TBC1D31: variants seen among roughly 807,000 people sequenced by gnomAD.
TBC1D31 encodes TBC1 domain family member 31, also known as WD repeat domain 67.
A neutral mutation model predicts 132.9 loss-of-function variants in TBC1D31; 99 were observed. The observed-to-expected ratio is 0.74, with a 90% confidence interval of 0.63 to 0.88. The LOEUF is 0.88. TBC1D31 is among the 40% of genes least tolerant of loss of function. The pLI, the probability that TBC1D31 is intolerant of heterozygous loss-of-function variation, is 0.00. For missense variants in TBC1D31, 1,134 were observed against 1,256.6 expected (o/e 0.90, Z 1.48); for synonymous variants, 385 against 419.4 (o/e 0.92, Z 1.00).
chr8:123,091,234 A>T (rs2130102282), intron 4 of TBC1D31, among the ~76,000 whole-genome samples: 1 of 152,300 alleles, frequency 6.6e-6, no homozygotes, highest in Admixed American at 6.5e-5. Context: ...TTAAAATCAC[A>T]AATCTAGTAA....
downstream of TBC1D31, among the ~76,000 whole-genome samples, chr8:123,152,596 C>T (rs1201189152): frequency 1.3e-5 from 2 of 152,310 alleles, no homozygotes; most frequent in South Asian, 2.1e-4. Context: ...GCAGGCCAGA[C>T]GTGGTGGCTC....
intron 11 of TBC1D31, among the ~76,000 whole-genome samples, chr8:123,121,739 G>C (rs114301685): frequency 0.014 from 2,106 of 152,132 alleles, 43 homozygotes; most frequent in African/African-American, 0.048. Flanking sequence ...TTATAAATTA[G>C]CCAGTCTCAG....
chr8:123,097,446 G>C lies in TBC1D31; in HGVS notation c.831+5G>C. ...TTTGATGCTGGTTCTAATCAGGTTAGTAACATAAATGTAGGGCACTGTACT... is the reference window on the plus strand; with the variant it reads ...TTTGATGCTGGTTCTAATCAGGTTACTAACATAAATGTAGGGCACTGTACT... On this transcript the variant is annotated splice_donor_5th_base_variant and intron_variant, in intron 6 of 21. Coordinates refer to ENST00000287380, the MANE Select transcript of TBC1D31 (RefSeq NM_145647.4). 6.2e-7 allele frequency: 1 copy of C among 1,613,992 alleles called. No homozygotes were observed. The highest frequency in any genetic ancestry group is 8.5e-7 in the Non-Finnish European group (1 of 1,179,956).
chr8:123,146,465 G>A (rs1822219985), intron 20 of TBC1D31, among the ~76,000 whole-genome samples: 1 of 152,108 alleles, frequency 6.6e-6, no homozygotes, highest in South Asian at 2.1e-4. Context: ...ATAATGTCTT[G>A]AGATTCAACC....
intron 1 of TBC1D31, among the ~76,000 whole-genome samples, chr8:123,073,985 C>G: frequency 6.6e-6 from 1 of 151,842 alleles, no homozygotes; most frequent in East Asian, 1.9e-4. Flanking sequence ...CGCGCCCGGC[C>G]TCTAGTGATT....
At chr8:123,125,854 AG>A (rs1433811180) in intron 11 of TBC1D31, among the ~76,000 whole-genome samples, 3 of 152,186 alleles carry the variant, frequency 2.0e-5, no homozygotes, top group African/African-American at 4.8e-5. Flanking sequence ...GACTACTGTA[AG>A]GAAATTTGCA....
At chr8:123,136,066 T>G (rs543796977) in intron 17 of TBC1D31, among the ~76,000 whole-genome samples, 5 of 152,330 alleles carry the variant, frequency 3.3e-5, no homozygotes, top group African/African-American at 1.2e-4. Flanking sequence ...TGATGCTCCT[T>G]TACCTCTAAA....
chr8:123,144,926 ATT>A (rs3080678), intron 20 of TBC1D31, 71 bp downstream of exon 20: 10,965 of 1,102,248 alleles, frequency 9.9e-3, no homozygotes, highest in South Asian at 0.016. Flanking sequence ...TATTATTATG[ATT>A]TTTTTTTTTT....
At chr8:123,144,388 CACT>C (rs1821980610) in intron 19 of TBC1D31, among the ~76,000 whole-genome samples, 1 of 152,064 alleles carries the variant, frequency 6.6e-6, no homozygotes, top group Admixed American at 6.5e-5. Flanking sequence ...ATGCAATTGC[CACT>C]AATTCAAAAC....
At chr8:123,155,753 C>T (rs2131009351), downstream of TBC1D31, among the ~76,000 whole-genome samples, 1 of 152,248 alleles carries the variant, frequency 6.6e-6, no homozygotes, top group East Asian at 1.9e-4. The surrounding 1 kb of genome is among the most constrained non-coding windows in gnomAD (Gnocchi z 4.1). Flanking sequence ...AACCCTTCCC[C>T]AAAGAAACCT....
intron 2 of TBC1D31, among the ~76,000 whole-genome samples, chr8:123,079,574 A>C (rs1814919163): frequency 6.8e-6 from 1 of 146,964 alleles, no homozygotes; most frequent in African/African-American, 2.5e-5. Context: ...TGAAAAAAAT[A>C]AAAATAATTG....
At chr8:123,162,548 G>C in the TBC1D31 span, among the ~76,000 whole-genome samples, 746 of 152,212 alleles carry the variant, frequency 4.9e-3, 4 homozygotes, top group Middle Eastern at 0.014. Context: ...ACAGACACAG[G>C]ACTTGGGTCT....
the TBC1D31 span, among the ~76,000 whole-genome samples, chr8:123,161,282 G>C: frequency 6.6e-6 from 1 of 152,162 alleles, no homozygotes; most frequent in African/African-American, 2.4e-5. Flanking sequence ...CAGCCGGGTC[G>C]GAGGTCACCT....
Position 123,134,155 on chromosome 8 carries a change from C to G in TBC1D31, c.2448C>G (p.Asp816Glu). The change falls in exon 17 of 22, where the codon GAC becomes GAG. Residue 816 changes from aspartate to glutamate, a missense_variant. Physicochemically the swap from Asp to Glu is conservative, Grantham distance 45. Coordinates refer to ENST00000287380, the MANE Select transcript of TBC1D31 (RefSeq NM_145647.4). ...RDREIAATAR[D>E]LEMRQLELES... ...GAGAAATTGCTGCCACAGCCAGAGA[C>G]CTAGAAATGAGACAGCTGGAACTCG... 6.2e-7 allele frequency: 1 copy of G among 1,613,934 alleles called. No individual in the cohort carries two copies. Among genetic ancestry groups the G allele is most frequent in the Non-Finnish European group, 8.5e-7 (1 of 1,179,922 alleles).
At chr8:123,136,285 A>G (rs1014809178) in intron 17 of TBC1D31, among the ~76,000 whole-genome samples, 3 of 152,172 alleles carry the variant, frequency 2.0e-5, no homozygotes, top group African/African-American at 7.2e-5. Context: ...TTAAAATAAG[A>G]AATGTTCGTG....
At chr8:123,089,684 G>T (rs1227482261) in intron 4 of TBC1D31, among the ~76,000 whole-genome samples, 1 of 152,198 alleles carries the variant, frequency 6.6e-6, no homozygotes, top group Non-Finnish European at 1.5e-5. Context: ...CTGCAGCCTG[G>T]GCGACAGAGT....
chr8:123,161,899 T>G, the TBC1D31 span, among the ~76,000 whole-genome samples: 1 of 150,466 alleles, frequency 6.6e-6, no homozygotes, highest in African/African-American at 2.5e-5. Context: ...GCGCCTGTGA[T>G]CCCAGCTACT....
In TBC1D31 at chr8:123,137,644, G is replaced by C. The variant is rs546422849; in HGVS notation, c.2500-3117G>C. Reference sequence around the variant, plus strand: ...TTTTACTGGGGGTCATGTAGACATGGAGTGCATATGTGGCTGACTTTAGTT... The same window carrying C: ...TTTTACTGGGGGTCATGTAGACATGCAGTGCATATGTGGCTGACTTTAGTT... On this transcript the variant is annotated intron_variant, in intron 17 of 21. Coordinates refer to ENST00000287380, the MANE Select transcript of TBC1D31 (RefSeq NM_145647.4). Among the ~76,000 whole-genome samples the C allele has an allele frequency of 5.9e-5, 9 of 152,344 alleles. No homozygotes were observed. The East Asian group carries it at 1.7e-3, about 29-fold the overall frequency.
At position 123,088,501 on chromosome 8, in the gene TBC1D31, A is replaced by G. The variant is rs191822826; in HGVS notation, c.519+4161A>G. ...GCCAGGTGATGACCACTTCAGTTGTAAACAGGAAATAACTGTAACCTTAAT... is the reference window on the plus strand; with the variant it reads ...GCCAGGTGATGACCACTTCAGTTGTGAACAGGAAATAACTGTAACCTTAAT... On this transcript the variant is annotated intron_variant, in intron 4 of 21. Transcript: ENST00000287380. Among the ~76,000 whole-genome samples, 336 of 152,322 alleles carry G rather than the reference A, an allele frequency of 2.2e-3. 2 individuals carry two copies. Among genetic ancestry groups the G allele is most frequent in the African/African-American group, 7.9e-3 (329 of 41,564 alleles).
Sources: gnomAD v4.1 joint callset for allele counts (sites outside exome capture counted in the v4.1 genomes callset) on GRCh38, gnomAD v4.1.1 for gene constraint, Gnocchi (gnomAD v3.1) non-coding constraint, MANE v1.5 for transcripts, NCBI Gene and HGNC (gene_info 2026-07-23, HGNC 2026-07-21) for gene names.